SNX4: variants seen among roughly 807,000 people sequenced by gnomAD.
The protein encoded by SNX4 is sorting nexin 4, also known as sorting nexin-4.
In SNX4, 49 loss-of-function variants were observed where a neutral mutation model predicts 70.8. The observed-to-expected ratio is 0.69, with a 90% CI of 0.55 to 0.88. The LOEUF is 0.88. Ranked by LOEUF, SNX4 falls within the 40% of genes least tolerant of loss-of-function variation. The pLI, the probability that SNX4 is intolerant of heterozygous loss-of-function variation, is 0.00. For synonymous variants in SNX4, 206 were observed against 183.8 expected, an observed-to-expected ratio of 1.12 and a Z score of -0.98; for missense variants, 528 against 544.8, an observed-to-expected ratio of 0.97 and a Z score of 0.31.
chr3:125,505,127 G>A (rs1488005058), intron 1 of SNX4, among the ~76,000 whole-genome samples: 2 of 152,076 alleles, frequency 1.3e-5, no homozygotes, highest in African/African-American at 4.8e-5. Context: ...GCACCAACAT[G>A]CTCAACTGAC....
At position 125,476,700 on chromosome 3, in the gene SNX4, A is replaced by C; in HGVS notation, c.783T>G (p.Val261=). 6.3e-7 allele frequency: 1 copy of C among 1,586,006 alleles called. No homozygotes were observed. The highest frequency in any genetic ancestry group is 8.6e-7 in the Non-Finnish European group (1 of 1,157,434). ...AAAGTTTGTATGATGCTTACCTGAA[A>C]ACTCGACCATAATTCCCATGTACTT... ...VYKVHGNYGR[V]FSEWSAIEKE... The change falls in exon 8 of 14, where the codon GTT becomes GTG. Residue 261 remains valine (V), a synonymous_variant. Transcript: ENST00000251775.
intron 10 of SNX4, among the ~76,000 whole-genome samples, chr3:125,458,170 ATTTT>A (rs397875260): frequency 3.3e-5 from 4 of 122,682 alleles, no homozygotes; most frequent in Admixed American, 8.4e-5. Context: ...TCTATTAGGT[ATTTT>A]TTTTTTTTTT....
chr3:125,471,011 C>T lies in SNX4; in HGVS notation c.789-1492G>A, dbSNP rs1934155436. On this transcript the variant is annotated intron_variant, in intron 8 of 13. Transcript: ENST00000251775. Reference sequence around the variant, plus strand: ...CCAACAGAGTCCTGTATCTACCAGTCCCAACTTAAGGCACTTAACTTTTTT... The same window carrying T: ...CCAACAGAGTCCTGTATCTACCAGTTCCAACTTAAGGCACTTAACTTTTTT... Among the ~76,000 whole-genome samples, 3 of 152,116 alleles carry T rather than the reference C, an allele frequency of 2.0e-5. No homozygotes were observed. In the South Asian group the frequency reaches 6.2e-4, roughly 31 times the overall value.
chr3:125,489,701 G>A (rs1292037485), intron 5 of SNX4, among the ~76,000 whole-genome samples: 1 of 152,204 alleles, frequency 6.6e-6, no homozygotes, highest in East Asian at 1.9e-4. Flanking sequence ...TAAAACAACT[G>A]TACACACCAA....
At chr3:125,501,366 C>T (rs977847717) in intron 2 of SNX4, among the ~76,000 whole-genome samples, 1 of 152,148 alleles carries the variant, frequency 6.6e-6, no homozygotes, top group Non-Finnish European at 1.5e-5. Flanking sequence ...CCTGTAATTC[C>T]AGCACTTTGG....
intron 9 of SNX4, among the ~76,000 whole-genome samples, chr3:125,461,113 C>A (rs368499216): frequency 2.6e-5 from 4 of 152,124 alleles, no homozygotes; most frequent in African/African-American, 9.7e-5. Flanking sequence ...GTAATCCCAG[C>A]TACTTGGGAG....
At chr3:125,498,875 A>G (rs780825492) in intron 2 of SNX4, among the ~76,000 whole-genome samples, 5 of 152,234 alleles carry the variant, frequency 3.3e-5, no homozygotes, top group Non-Finnish European at 7.3e-5. Flanking sequence ...GTGTTTCATT[A>G]AATAAAAAGC....
At chr3:125,509,140 C>T (rs185974249) in intron 1 of SNX4, among the ~76,000 whole-genome samples, 2 of 151,668 alleles carry the variant, frequency 1.3e-5, no homozygotes, top group East Asian at 3.9e-4. Context: ...CAAGATCAGC[C>T]TGGCCCACAT....
rs1934818556 is a variant in SNX4 at position 125,497,344 on chromosome 3, C to G, written c.594G>C (p.Leu198=). The G allele has an allele frequency of 6.2e-7, 1 of 1,605,090 alleles. No individual in the cohort carries two copies. Among genetic ancestry groups the G allele is most frequent in the South Asian group, 1.1e-5 (1 of 90,610 alleles). ...KETVNETGFQ[L]KADSRLKALN... is the part of the protein sequence containing the mutation. Reference sequence around the variant, plus strand: ...AATTTCATATAAATATTCTTACCTTCAGCTGAAACCCAGTTTCATTCACAG... The same window carrying G: ...AATTTCATATAAATATTCTTACCTTGAGCTGAAACCCAGTTTCATTCACAG... The change falls in exon 5 of 14, where the codon CTG becomes CTC. Residue 198 remains leucine (L), a synonymous_variant. Transcript: ENST00000251775.
At chr3:125,472,029 T>C (rs1022202150) in intron 8 of SNX4, among the ~76,000 whole-genome samples, 13 of 152,246 alleles carry the variant, frequency 8.5e-5, no homozygotes, top group African/African-American at 2.9e-4. Flanking sequence ...GTTTCTTCTC[T>C]GTAAGCCTAA....
intron 5 of SNX4, among the ~76,000 whole-genome samples, chr3:125,491,505 C>T (rs972893902): frequency 2.0e-5 from 3 of 152,218 alleles, no homozygotes; most frequent in African/African-American, 7.2e-5. Flanking sequence ...GGTCACCATT[C>T]TAACCTTTGC....
chr3:125,451,466 T>C (rs772179879), intron 12 of SNX4, 47 bp from the exon 13 acceptor site: 16 of 1,393,454 alleles, frequency 1.1e-5, no homozygotes, highest in Non-Finnish European at 1.2e-5. Context: ...TTAAATAAAC[T>C]GTGTACTAAA....
At chr3:125,448,040 A>T (rs1933470565) in intron 13 of SNX4, among the ~76,000 whole-genome samples, 1 of 152,198 alleles carries the variant, frequency 6.6e-6, no homozygotes, top group Non-Finnish European at 1.5e-5. Flanking sequence ...TTCAAAATGG[A>T]AAAAGAACTC....
chr3:125,498,255 A>G, intron 2 of SNX4, 61 bp from the exon 3 acceptor site: 2 of 1,378,108 alleles, frequency 1.5e-6, no homozygotes, highest in Non-Finnish European at 2.0e-6. Flanking sequence ...ACACATAAAT[A>G]CAATCACCTT....
chr3:125,461,805 G>T (rs570071783), intron 9 of SNX4, among the ~76,000 whole-genome samples: 1 of 151,980 alleles, frequency 6.6e-6, no homozygotes, highest in Non-Finnish European at 1.5e-5. Flanking sequence ...GGGACTACAG[G>T]TGCCTGTCAC....
chr3:125,452,465 C>T (rs1478876043), intron 12 of SNX4, among the ~76,000 whole-genome samples: 1 of 152,030 alleles, frequency 6.6e-6, no homozygotes, highest in African/African-American at 2.4e-5. Context: ...GCCGGTAGTC[C>T]CAGTGATTCG....
intron 6 of SNX4, among the ~76,000 whole-genome samples, chr3:125,484,133 A>G (rs1934473796): frequency 6.6e-6 from 1 of 152,214 alleles, no homozygotes; most frequent in African/African-American, 2.4e-5. Flanking sequence ...GCAGACTCTG[A>G]TAAGACTCTA....
chr3:125,470,496 A>C (rs528951441), intron 8 of SNX4, among the ~76,000 whole-genome samples: 7 of 151,690 alleles, frequency 4.6e-5, no homozygotes, highest in East Asian at 1.9e-4. Flanking sequence ...AGTTAAAAAA[A>C]AAAAAACAAA....
Position 125,457,355 on chromosome 3 carries a change from T to C in SNX4, c.955A>G (p.Arg319Gly). The C allele has an allele frequency of 6.2e-7, 1 of 1,613,186 alleles. No homozygotes were observed. The highest frequency in any genetic ancestry group is 8.5e-7 in the Non-Finnish European group (1 of 1,179,134). ...FYAEALRAVCRKHELMQYDLE... is the reference protein window; with the variant it reads ...FYAEALRAVCGKHELMQYDLE... ...TCATACTGCATAAGTTCATGTTTCCTGCACACAGCCCTACAGATGAAAAAA... is the reference window on the plus strand; with the variant it reads ...TCATACTGCATAAGTTCATGTTTCCCGCACACAGCCCTACAGATGAAAAAA... Residue 319 changes from arginine to glycine, a missense_variant, in exon 11 of 14, where the codon AGG becomes GGG. Arg to Gly is a moderately radical substitution (Grantham distance 125, BLOSUM62 -2). Around this residue, in one of 3 missense-constraint regions of SNX4, gnomAD observed 159 missense variants for 172.6 expected, o/e 0.92. Transcript: ENST00000251775.
Sources: gnomAD v4.1 joint callset for allele counts (sites outside exome capture counted in the v4.1 genomes callset) on GRCh38, gnomAD v4.1.1 for gene constraint, gnomAD v4.1.1 regional missense constraint, MANE v1.5 for transcripts, NCBI Gene and HGNC (gene_info 2026-07-23, HGNC 2026-07-21) for gene names.